IPO11: variants seen among roughly 807,000 people sequenced by gnomAD.
IPO11 encodes the protein importin-11.
A neutral mutation model predicts 143.2 loss-of-function variants in IPO11; 66 were observed. That is an observed-to-expected ratio of 0.46 (90% CI 0.38 to 0.57). The LOEUF (loss-of-function observed/expected upper bound fraction) is 0.57, where lower values mean the gene tolerates loss of function less well. Among genes scored for constraint, IPO11 ranks in the 20% least tolerant of loss-of-function variants. The pLI is 0.00. For synonymous variants in IPO11, 385 were observed against 377.8 expected (o/e 1.02, Z -0.22); for missense variants, 1,026 against 1,141.0 (o/e 0.90, Z 1.45).
At chr5:62,455,403 AT>A (rs950619849) in intron 5 of IPO11, among the ~76,000 whole-genome samples, 30 of 152,230 alleles carry the variant, frequency 2.0e-4, no homozygotes, top group African/African-American at 7.2e-4. Context: ...CACGCCTGTA[AT>A]CCCAGCTACT....
At chr5:62,538,877 G>T (rs1008168144) in intron 24 of IPO11, among the ~76,000 whole-genome samples, 11 of 152,190 alleles carry the variant, frequency 7.2e-5, no homozygotes, top group African/African-American at 2.2e-4. Context: ...CATGAATCAG[G>T]CGAATATAGT....
At position 62,500,055 on chromosome 5, in the gene IPO11, C is replaced by T. The variant is rs776042407; in HGVS notation, c.1591-4612C>T. 4.6e-5 allele frequency among the ~76,000 whole-genome samples: 7 copies of T among 152,178 alleles called. No homozygotes were observed. The South Asian group carries it at 1.0e-3, about 22-fold the overall frequency. On this transcript the variant is annotated intron_variant, in intron 16 of 29. Transcript: ENST00000325324. The stretch of plus-strand genomic sequence containing the variant: ...ATCCAAGCACTTTGGAAGGCCAAGG[C>T]GGGCAAATTGCTTGAGCCCAGGAAT...
chr5:62,425,571 G>A (rs768610852), intron 1 of IPO11, among the ~76,000 whole-genome samples: 1 of 152,096 alleles, frequency 6.6e-6, no homozygotes, highest in Non-Finnish European at 1.5e-5. Context: ...ACCCGCCCCG[G>A]CCTCCTAAAG....
chr5:62,485,475 T>C lies in IPO11; in HGVS notation c.1218+13T>C, dbSNP rs959280994. The C allele has an allele frequency of 6.3e-7, 1 of 1,591,504 alleles. No individual in the cohort carries two copies. Among genetic ancestry groups the C allele is most frequent in the Non-Finnish European group, 8.6e-7 (1 of 1,160,128 alleles). ...ATATAGTTTGAGGGTAAGTATTAATTGCAAGAAAAATTGATAGGGGAAAGC... is the reference window on the plus strand; with the variant it reads ...ATATAGTTTGAGGGTAAGTATTAATCGCAAGAAAAATTGATAGGGGAAAGC... On this transcript the variant is annotated intron_variant, in intron 12 of 29. Coordinates refer to ENST00000325324, the MANE Select transcript of IPO11 (RefSeq NM_016338.5).
chr5:62,439,571 G>A (rs530881815), intron 2 of IPO11, among the ~76,000 whole-genome samples: 129 of 151,528 alleles, frequency 8.5e-4, no homozygotes, highest in African/African-American at 2.9e-3. Flanking sequence ...ACAGGCGTGA[G>A]CGACTGCGCC....
At chr5:62,619,635 C>T (rs1366587372) in intron 29 of IPO11, among the ~76,000 whole-genome samples, 2 of 151,994 alleles carry the variant, frequency 1.3e-5, no homozygotes, top group African/African-American at 2.4e-5. Context: ...AGGCGGATCA[C>T]GAGGTCAGGA....
intron 1 of IPO11, among the ~76,000 whole-genome samples, chr5:62,427,463 C>T (rs978202864): frequency 1.3e-5 from 2 of 152,164 alleles, no homozygotes; most frequent in Admixed American, 6.5e-5. Flanking sequence ...GGGCAGGTGT[C>T]CCCAGCCCTC....
intron 24 of IPO11, among the ~76,000 whole-genome samples, chr5:62,548,016 G>T (rs1743264729): frequency 6.6e-6 from 1 of 151,272 alleles, no homozygotes; most frequent in Admixed American, 6.6e-5. Flanking sequence ...GTTCAGATCT[G>T]TAAATAACAC....
chr5:62,587,292 C>G (rs952621424), intron 27 of IPO11, among the ~76,000 whole-genome samples: 2 of 152,052 alleles, frequency 1.3e-5, no homozygotes, highest in Non-Finnish European at 2.9e-5. Flanking sequence ...ATTCAACTTT[C>G]ACTTTAAGAT....
chr5:62,473,888 A>C lies in IPO11; in HGVS notation c.709-528A>C, dbSNP rs188230909. Among the ~76,000 whole-genome samples the C allele has an allele frequency of 1.6e-3, 249 of 152,306 alleles. 3 individuals carry two copies. The highest frequency in any genetic ancestry group is 2.5e-4 in the Non-Finnish European group (17 of 67,996). On this transcript the variant is annotated intron_variant, in intron 7 of 29. Coordinates refer to ENST00000325324, the MANE Select transcript of IPO11 (RefSeq NM_016338.5). The stretch of plus-strand genomic sequence containing the variant: ...ATCTAATACTAGTATCTGAGGACCA[A>C]TGTGTCATATACTTGAAGTTAAGAA...
chr5:62,585,343 G>A (rs1744731652), intron 27 of IPO11, among the ~76,000 whole-genome samples: 1 of 152,132 alleles, frequency 6.6e-6, no homozygotes, highest in African/African-American at 2.4e-5. Flanking sequence ...CTAGAATCAG[G>A]ACCATACCTG....
intron 20 of IPO11, among the ~76,000 whole-genome samples, chr5:62,522,262 G>T (rs953362025): frequency 1.3e-4 from 19 of 151,366 alleles, no homozygotes; most frequent in African/African-American, 4.1e-4. Context: ...GTGTGGTGTG[G>T]TGGGGAGGCT....
At chr5:62,610,891 A>G (rs1745903405) in intron 29 of IPO11, among the ~76,000 whole-genome samples, 1 of 152,156 alleles carries the variant, frequency 6.6e-6, no homozygotes, top group Admixed American at 6.5e-5. Context: ...CAGTACATAC[A>G]TAGTATTTTT....
intron 7 of IPO11, among the ~76,000 whole-genome samples, chr5:62,471,378 T>C (rs1745768029): frequency 6.6e-6 from 1 of 152,166 alleles, no homozygotes; most frequent in African/African-American, 2.4e-5. Flanking sequence ...AATTGTTCTA[T>C]TGTTAAATGA....
intron 24 of IPO11, among the ~76,000 whole-genome samples, chr5:62,546,806 A>G (rs1370615285): frequency 6.6e-6 from 1 of 152,160 alleles, no homozygotes; most frequent in South Asian, 2.1e-4. Context: ...GAAAATCGCT[A>G]TATGAGTTTG....
At chr5:62,500,450 A>AC (rs1561336900) in intron 16 of IPO11, among the ~76,000 whole-genome samples, 1 of 152,118 alleles carries the variant, frequency 6.6e-6, no homozygotes, top group Non-Finnish European at 1.5e-5. Flanking sequence ...GTAGTTGCTT[A>AC]TTTTCATTAT....
rs772028487 is a variant in IPO11, at chr5:62,526,268, A to C, written c.2012+11A>C. The C allele has an allele frequency of 1.3e-6, 2 of 1,528,898 alleles. No homozygotes were observed. The highest frequency in any genetic ancestry group is 2.2e-5 in the South Asian group (2 of 89,298). The allele number at this position is 1,528,898 out of a possible 1,614,324, so 94.7% of individuals were successfully genotyped here. On this transcript the variant is annotated intron_variant, in intron 21 of 29. Coordinates refer to ENST00000325324, the MANE Select transcript of IPO11 (RefSeq NM_016338.5). Reference sequence around the variant, plus strand: ...TGGTTTAGAATTATGGTAAGAGGAAAAACTTAATACCATGGATCTTATTTT... The same window carrying C: ...TGGTTTAGAATTATGGTAAGAGGAACAACTTAATACCATGGATCTTATTTT...
Position 62,626,008 on chromosome 5 carries a change from T to C in IPO11, c.2764-1146T>C, listed in dbSNP as rs547331047. Among the ~76,000 whole-genome samples, 5 of 152,280 alleles carry C rather than the reference T, an allele frequency of 3.3e-5. No homozygotes were observed. The South Asian group carries it at 1.0e-3, about 32-fold the overall frequency. The stretch of plus-strand genomic sequence containing the variant: ...AGTTTTTCCTAATGTTAACATTGTA[T>C]GTTACATTTTTCTTTCCTCTTCTTT... On this transcript the variant is annotated intron_variant, in intron 29 of 29. Coordinates refer to ENST00000325324, the MANE Select transcript of IPO11 (RefSeq NM_016338.5).
chr5:62,413,732 A>C (rs1416566142), intron 1 of IPO11, among the ~76,000 whole-genome samples: 2 of 152,182 alleles, frequency 1.3e-5, no homozygotes, highest in Non-Finnish European at 1.5e-5. Flanking sequence ...GTTATTCTTC[A>C]GAAGGAAGAA....
Sources: gnomAD v4.1 joint callset for allele counts (sites outside exome capture counted in the v4.1 genomes callset) on GRCh38, gnomAD v4.1.1 for gene constraint, MANE v1.5 for transcripts, NCBI Gene and HGNC (gene_info 2026-07-23, HGNC 2026-07-21) for gene names.